Variants in PXDNL observed in about 807,000 individuals in gnomAD.
PXDNL encodes the protein peroxidasin like.
Under a neutral mutation model 150.8 loss-of-function variants are expected in PXDNL, and 145 were observed. That is an observed-to-expected ratio of 0.96 (90% CI 0.84 to 1.10). The LOEUF (loss-of-function observed/expected upper bound fraction) is 1.10. Among genes scored for constraint, PXDNL ranks in the 50% least tolerant of loss-of-function variants. PXDNL has a pLI of 0.00. For missense variants in PXDNL, 2,087 were observed against 1,873.9 expected (o/e 1.11, Z -2.10); for synonymous variants, 757 against 725.7 (o/e 1.04, Z -0.69).
At chr8:51,415,137 A>C (rs1808761994) in intron 14 of PXDNL, among the ~76,000 whole-genome samples, 2 of 152,214 alleles carry the variant, frequency 1.3e-5, no homozygotes, top group African/African-American at 2.4e-5. Flanking sequence ...AATCCCATGC[A>C]TATATGCAGA....
intron 1 of PXDNL, among the ~76,000 whole-genome samples, chr8:51,675,920 T>C (rs1288732109): frequency 6.6e-6 from 1 of 152,148 alleles, no homozygotes; most frequent in Non-Finnish European, 1.5e-5. Flanking sequence ...AAGCAGACTT[T>C]CTAAAAGTCA....
intron 17 of PXDNL, among the ~76,000 whole-genome samples, chr8:51,378,429 A>T (rs1468143457): frequency 6.6e-6 from 1 of 152,210 alleles, no homozygotes; most frequent in Admixed American, 6.5e-5. Context: ...CAGGGATTGT[A>T]AACTCACCAA....
chr8:51,728,309 C>T (rs893533056), intron 1 of PXDNL, among the ~76,000 whole-genome samples: 1 of 152,162 alleles, frequency 6.6e-6, no homozygotes, highest in African/African-American at 2.4e-5. Context: ...TTTATATACT[C>T]ATTATACTTT....
At chr8:51,395,552 A>G (rs1411828060) in intron 17 of PXDNL, among the ~76,000 whole-genome samples, 1 of 152,226 alleles carries the variant, frequency 6.6e-6, no homozygotes, top group Non-Finnish European at 1.5e-5. Context: ...TATGAGACAA[A>G]AGAAACAACC....
At chr8:51,369,303 A>C in intron 19 of PXDNL, among the ~76,000 whole-genome samples, 1 of 152,322 alleles carries the variant, frequency 6.6e-6, no homozygotes, top group South Asian at 2.1e-4. Context: ...ACGGAGCCAC[A>C]GTCTAGAAAC....
intron 8 of PXDNL, among the ~76,000 whole-genome samples, chr8:51,471,499 A>G (rs1810332555): frequency 6.6e-6 from 1 of 152,148 alleles, no homozygotes; most frequent in Non-Finnish European, 1.5e-5. Context: ...TTACCATAGG[A>G]AAGTTGCAAT....
chr8:51,421,682 G>A (rs1486371186), intron 14 of PXDNL, among the ~76,000 whole-genome samples: 1 of 152,216 alleles, frequency 6.6e-6, no homozygotes, highest in South Asian at 2.1e-4. Context: ...CTGGGCAACA[G>A]AGTGAGACTC....
intron 1 of PXDNL, among the ~76,000 whole-genome samples, chr8:51,668,006 C>T (rs367931285): frequency 2.0e-5 from 3 of 151,944 alleles, no homozygotes; most frequent in South Asian, 2.1e-4. Context: ...GAGGAGGCAC[C>T]GGACTCACAA....
At chr8:51,698,492 C>T (rs1050824391) in intron 1 of PXDNL, among the ~76,000 whole-genome samples, 1 of 152,208 alleles carries the variant, frequency 6.6e-6, no homozygotes, top group African/African-American at 2.4e-5. Context: ...TCAGGCTCCA[C>T]TTCTAATTTT....
intron 2 of PXDNL, among the ~76,000 whole-genome samples, chr8:51,637,006 C>T (rs112952001): frequency 0.073 from 11,099 of 152,106 alleles, 1,342 homozygotes; most frequent in African/African-American, 0.25. Context: ...TCCAGAGGAA[C>T]GATCAGGTAG....
chr8:51,528,033 AAAG>A (rs1214652606), intron 4 of PXDNL, among the ~76,000 whole-genome samples: 1 of 152,184 alleles, frequency 6.6e-6, no homozygotes, highest in African/African-American at 2.4e-5. Context: ...TAATTTGGAA[AAAG>A]AAGAAACCAA....
At chr8:51,576,134 A>C in intron 3 of PXDNL, among the ~76,000 whole-genome samples, 1 of 151,706 alleles carries the variant, frequency 6.6e-6, no homozygotes, top group East Asian at 1.9e-4. Context: ...TCACCCAAGA[A>C]ATAGAAGAAC....
At chr8:51,533,351 A>G (rs1811948046) in intron 4 of PXDNL, among the ~76,000 whole-genome samples, 1 of 151,958 alleles carries the variant, frequency 6.6e-6, no homozygotes, top group Non-Finnish European at 1.5e-5. Context: ...GGGTTTCACC[A>G]TGTTGGCCAG....
chr8:51,656,581 T>C (rs1815153477), intron 1 of PXDNL, among the ~76,000 whole-genome samples: 1 of 152,152 alleles, frequency 6.6e-6, no homozygotes, highest in African/African-American at 2.4e-5. Flanking sequence ...ATAATCCTAA[T>C]AATTCTCCCA....
At chr8:51,520,810 A>C (rs1223869337) in intron 4 of PXDNL, among the ~76,000 whole-genome samples, 1 of 152,152 alleles carries the variant, frequency 6.6e-6, no homozygotes, top group Non-Finnish European at 1.5e-5. Flanking sequence ...ACAAAAAAAA[A>C]ACTTAGAGGC....
At chr8:51,419,505 T>C (rs1303202033) in intron 14 of PXDNL, among the ~76,000 whole-genome samples, 3 of 152,216 alleles carry the variant, frequency 2.0e-5, no homozygotes, top group Non-Finnish European at 2.9e-5. Flanking sequence ...ATTCCAGTTA[T>C]GGGTAAGGAA....
chr8:51,742,380 G>T (rs1410806529), intron 1 of PXDNL, among the ~76,000 whole-genome samples: 2 of 152,132 alleles, frequency 1.3e-5, no homozygotes, highest in Non-Finnish European at 2.9e-5. Flanking sequence ...GGTTGGGGGA[G>T]AACAGTGTAC....
intron 1 of PXDNL, among the ~76,000 whole-genome samples, chr8:51,744,298 AAGAAAGAAAG>A (rs1438931182): frequency 4.0e-5 from 6 of 149,502 alleles, no homozygotes; most frequent in East Asian, 4.0e-4. Context: ...AGAAGGAAGA[AAGAAAGAAAG>A]AGAAAGAAAG....
chr8:51,782,158 G>A (rs999446856), intron 1 of PXDNL, among the ~76,000 whole-genome samples: 2 of 152,168 alleles, frequency 1.3e-5, no homozygotes, highest in Non-Finnish European at 2.9e-5. Flanking sequence ...GCCTCCGGGG[G>A]CTGGACTCTT....
Sources: gnomAD v4.1 joint callset for allele counts (sites outside exome capture counted in the v4.1 genomes callset) on GRCh38, gnomAD v4.1.1 for gene constraint, MANE v1.5 for transcripts, NCBI Gene and HGNC (gene_info 2026-07-23, HGNC 2026-07-21) for gene names.